Variants in PLXNC1 observed in about 807,000 individuals in gnomAD.
PLXNC1 encodes the protein plexin C1.
A neutral mutation model predicts 178.2 loss-of-function variants in PLXNC1; 75 were observed. The ratio of observed to expected loss-of-function variants is 0.42; its 90% CI spans 0.35 to 0.51. The LOEUF (loss-of-function observed/expected upper bound fraction) is 0.51. PLXNC1 is among the 20% of genes least tolerant of loss of function. The probability of loss-of-function intolerance (pLI) is 0.02; values close to 1 mark genes in which losing one functional copy is unlikely to be tolerated. For synonymous variants in PLXNC1, 790 were observed against 779.9 expected (o/e 1.01, Z -0.22); for missense variants, 1,503 against 1,984.4 (o/e 0.76, Z 4.61).
intron 2 of PLXNC1, among the ~76,000 whole-genome samples, chr12:94,177,073 GTGTGTATATATATA>G (rs1346448178): frequency 2.4e-4 from 33 of 136,394 alleles, no homozygotes; most frequent in African/African-American, 6.0e-4. Flanking sequence ...GTGTGTGTGT[GTGTGTATATATATA>G]TGTGTATATA....
At chr12:94,209,547 AAC>A in intron 4 of PLXNC1, 41 bp from the exon 5 acceptor site, 2 of 1,177,266 alleles carry the variant, frequency 1.7e-6, no homozygotes, top group Non-Finnish European at 2.5e-6. Context: ...TGTTTTAACT[AAC>A]ACACGTATGG....
At chr12:94,153,373 G>T (rs1283041605) in intron 1 of PLXNC1, among the ~76,000 whole-genome samples, 1 of 152,194 alleles carries the variant, frequency 6.6e-6, no homozygotes, top group Non-Finnish European at 1.5e-5. Context: ...TCTAATCTTG[G>T]CTTGTGTTTT....
chr12:94,250,201 A>G (rs980258787), intron 14 of PLXNC1, among the ~76,000 whole-genome samples: 4 of 152,132 alleles, frequency 2.6e-5, no homozygotes, highest in Non-Finnish European at 5.9e-5. Context: ...CTGAGGTTAG[A>G]GAGTTCATGG....
chr12:94,292,875 A>G (rs939589233), intron 23 of PLXNC1, among the ~76,000 whole-genome samples: 6 of 152,198 alleles, frequency 3.9e-5, no homozygotes, highest in African/African-American at 1.4e-4. Context: ...CAACCTGTAT[A>G]TACCTACAGA....
rs958197298 is a variant in PLXNC1, at chr12:94,284,554, C to A, written c.3879+2153C>A. Among the ~76,000 whole-genome samples, 7 of 152,020 alleles carry A rather than the reference C, an allele frequency of 4.6e-5. No homozygotes were observed. In the South Asian group the frequency reaches 1.2e-3, roughly 27 times the overall value. On this transcript the variant is annotated intron_variant, in intron 23 of 30. Coordinates refer to ENST00000258526, the MANE Select transcript of PLXNC1 (RefSeq NM_005761.3). Reference sequence around the variant, plus strand: ...TTTCACTGTTATAGTTTTGCAATGGCGATTTCAGTATTTCGCCCCATTCTA... The same window carrying A: ...TTTCACTGTTATAGTTTTGCAATGGAGATTTCAGTATTTCGCCCCATTCTA...
In PLXNC1 at chr12:94,224,274, A is replaced by G; in HGVS notation, c.1749A>G (p.Leu583=). 1.2e-6 allele frequency: 2 copies of G among 1,601,780 alleles called. No homozygotes were observed. The highest frequency in any genetic ancestry group is 2.2e-5 in the East Asian group (1 of 44,826). ...TGTTCTCCTTCGGTTCTTGGAATTT[A>G]TCAGACAGATTCAACTTTACCAACT... is the stretch of plus-strand genomic sequence containing the variant. The part of the protein sequence containing the change: ...NVMFSFGSWN[L]SDRFNFTNCS... The change falls in exon 7 of 31, where the codon TTA becomes TTG. Residue 583 remains leucine, a synonymous_variant. Transcript: ENST00000258526.
chr12:94,182,482 C>G (rs1003266010), intron 3 of PLXNC1, among the ~76,000 whole-genome samples: 7 of 145,414 alleles, frequency 4.8e-5, no homozygotes, highest in Non-Finnish European at 9.0e-5. Context: ...TCCTAGCACT[C>G]TGGGAAGCCA....
At chr12:94,265,373 A>C in intron 21 of PLXNC1, 148 bp downstream of exon 21, 2 of 640,554 alleles carry the variant, frequency 3.1e-6, no homozygotes, top group Non-Finnish European at 5.4e-6. Context: ...TAGTTGATAA[A>C]ACTGTTAACA....
chr12:94,300,632 TGAGA>T (rs1202165953), intron 27 of PLXNC1, among the ~76,000 whole-genome samples: 1 of 152,152 alleles, frequency 6.6e-6, no homozygotes, highest in African/African-American at 2.4e-5. Flanking sequence ...ATAATCCAGG[TGAGA>T]GAGATTATAA....
intron 4 of PLXNC1, among the ~76,000 whole-genome samples, chr12:94,200,046 G>A (rs1472680526): frequency 6.6e-6 from 1 of 152,098 alleles, no homozygotes; most frequent in East Asian, 1.9e-4. Context: ...CCCTACCTTG[G>A]CCTCCCAAAC....
intron 22 of PLXNC1, among the ~76,000 whole-genome samples, chr12:94,281,279 CA>C (rs200736479): frequency 6.6e-6 from 1 of 150,638 alleles, no homozygotes; most frequent in Admixed American, 6.6e-5. Flanking sequence ...ACCCTGTCTC[CA>C]AAAAAAACAA....
intron 1 of PLXNC1, among the ~76,000 whole-genome samples, chr12:94,150,541 C>T (rs989098540): frequency 2.0e-5 from 3 of 152,224 alleles, no homozygotes; most frequent in African/African-American, 7.2e-5. Context: ...CCCCTGTCTC[C>T]GCCCCCCACC....
chr12:94,263,013 C>T (rs1965042019), intron 20 of PLXNC1, among the ~76,000 whole-genome samples: 1 of 152,144 alleles, frequency 6.6e-6, no homozygotes, highest in Non-Finnish European at 1.5e-5. Context: ...TTAGCCACCG[C>T]CCTGTGCCCT....
chr12:94,204,375 G>A (rs148806412), intron 4 of PLXNC1, among the ~76,000 whole-genome samples: 1 of 152,290 alleles, frequency 6.6e-6, no homozygotes, highest in East Asian at 1.9e-4. Flanking sequence ...GGTTTGTTGT[G>A]AATAATAAAT....
At position 94,293,794 on chromosome 12, in the gene PLXNC1, A is replaced by T. The variant is rs371866948; in HGVS notation, c.3880-692A>T. ...CCAATGCGCCCAGATAATTAAAAAA[A>T]TTTTTTTTATACAGAGGGATCTCCC... On this transcript the variant is annotated intron_variant, in intron 23 of 30. Transcript: ENST00000258526. Among the ~76,000 whole-genome samples the T allele has an allele frequency of 2.8e-4, 43 of 152,050 alleles. No homozygotes were observed. The East Asian group carries it at 2.9e-3, about 10-fold the overall frequency.
rs554049878 is a variant in PLXNC1 at position 94,149,196 on chromosome 12, C to T, written c.225C>T (p.Ser75=). 2 of 1,587,820 alleles carry T rather than the reference C, an allele frequency of 1.3e-6. No individual in the cohort carries two copies. The highest frequency in any genetic ancestry group is 2.4e-5 in the East Asian group (1 of 41,940). ...AGCTGGACTACAGCCTGGAGCACAG[C>T]CTCTCGCGCCTGTACCGGGACCAAG... ...LDQLDYSLEH[S]LSRLYRDQAG... The change falls in exon 1 of 31, where the codon AGC becomes AGT. Residue 75 remains serine (S), a synonymous_variant. Coordinates refer to ENST00000258526, the MANE Select transcript of PLXNC1 (RefSeq NM_005761.3).
chr12:94,291,749 C>G (rs963614599), intron 23 of PLXNC1, among the ~76,000 whole-genome samples: 1 of 152,120 alleles, frequency 6.6e-6, no homozygotes, highest in Non-Finnish European at 1.5e-5. Context: ...ATAAATTTGC[C>G]CATTTTGGAC....
intron 26 of PLXNC1, among the ~76,000 whole-genome samples, chr12:94,297,674 CT>C (rs1968068416): frequency 6.6e-6 from 1 of 152,188 alleles, no homozygotes; most frequent in South Asian, 2.1e-4. Flanking sequence ...CAGTCTCTTT[CT>C]CCACCATTTC....
At chr12:94,222,172 C>A (rs1357039559) in intron 6 of PLXNC1, among the ~76,000 whole-genome samples, 1 of 152,200 alleles carries the variant, frequency 6.6e-6, no homozygotes, top group African/African-American at 2.4e-5. Context: ...AGACCTTGCT[C>A]ACCTATAAAA....
Sources: allele counts gnomAD v4.1 joint callset (sites outside exome capture counted in the v4.1 genomes callset), GRCh38; gene constraint gnomAD v4.1.1; transcripts MANE v1.5; gene names NCBI Gene and HGNC (gene_info 2026-07-23, HGNC 2026-07-21).